Variants in TOX observed in about 807,000 individuals in gnomAD.
TOX encodes thymocyte selection associated high mobility group box.
Under a neutral mutation model 53.7 loss-of-function variants are expected in TOX, and 11 were observed. The observed-to-expected ratio is 0.20, with a 90% CI of 0.13 to 0.34. TOX has a LOEUF of 0.34. Among genes scored for constraint, TOX ranks in the 10% least tolerant of loss-of-function variants. The pLI is 1.00. For synonymous variants in TOX, 225 were observed against 245.3 expected (o/e 0.92, Z 0.77); for missense variants, 570 against 664.6 (o/e 0.86, Z 1.56).
At chr8:59,011,458 T>G (rs1249165776) in intron 1 of TOX, among the ~76,000 whole-genome samples, 1 of 152,214 alleles carries the variant, frequency 6.6e-6, no homozygotes, top group Non-Finnish European at 1.5e-5. Flanking sequence ...CTATGTTTGT[T>G]TTTTGAGAGA....
chr8:58,855,636 C>T (rs1042147328), intron 3 of TOX, among the ~76,000 whole-genome samples: 12 of 152,168 alleles, frequency 7.9e-5, no homozygotes, highest in Admixed American at 5.2e-4. Flanking sequence ...TTTACATCTA[C>T]CCCAAAGAGT....
At chr8:58,996,804 T>C (rs369662156) in intron 1 of TOX, among the ~76,000 whole-genome samples, 2 of 152,364 alleles carry the variant, frequency 1.3e-5, no homozygotes, top group East Asian at 1.9e-4. Context: ...ACCAGTTTCC[T>C]TTGAAAAGAC....
At chr8:59,006,681 C>G (rs2129418479) in intron 1 of TOX, among the ~76,000 whole-genome samples, 1 of 152,304 alleles carries the variant, frequency 6.6e-6, no homozygotes, top group East Asian at 1.9e-4. Flanking sequence ...GCAATACCAG[C>G]AACCTTCTTT....
intron 3 of TOX, among the ~76,000 whole-genome samples, chr8:58,871,264 G>A (rs908036073): frequency 6.6e-6 from 1 of 151,938 alleles, no homozygotes; most frequent in Non-Finnish European, 1.5e-5. Context: ...AGGGAAGATG[G>A]TTGAATATAG....
At chr8:58,880,128 A>G (rs551129404) in intron 3 of TOX, among the ~76,000 whole-genome samples, 542 of 152,328 alleles carry the variant, frequency 3.6e-3, no homozygotes, top group Non-Finnish European at 6.9e-3. Context: ...TTCCTGGGAC[A>G]AGGGACAACT....
chr8:59,078,341 AG>A (rs1804330997), intron 1 of TOX, among the ~76,000 whole-genome samples: 1 of 152,158 alleles, frequency 6.6e-6, no homozygotes, highest in Non-Finnish European at 1.5e-5. Flanking sequence ...CCAGTGCTGG[AG>A]GTGGGGCCTG....
rs77015172 is a variant in TOX at position 58,854,752 on chromosome 8, A to G, written c.412-2947T>C. 7.2e-5 allele frequency among the ~76,000 whole-genome samples: 11 copies of G among 152,292 alleles called. No homozygotes were observed. The East Asian group carries it at 2.1e-3, about 29-fold the overall frequency. On this transcript the variant is annotated intron_variant, in intron 3 of 8. Coordinates refer to ENST00000361421, the MANE Select transcript of TOX (RefSeq NM_014729.3). ...AATGAGGGAGCATATCTGTGTCTTC[A>G]GTCCTCAGATACACTTACAAACAGT...
chr8:58,812,315 A>G (rs1405889057), intron 7 of TOX, among the ~76,000 whole-genome samples: 1 of 152,048 alleles, frequency 6.6e-6, no homozygotes, highest in Non-Finnish European at 1.5e-5. Context: ...TCCCACTCCA[A>G]TTCCCTGCCC....
chr8:58,923,903 C>T (rs567969443), intron 3 of TOX, among the ~76,000 whole-genome samples: 9 of 152,278 alleles, frequency 5.9e-5, no homozygotes, highest in Middle Eastern at 6.8e-3. Flanking sequence ...AGACACCCAA[C>T]GGCCTAGCTA....
At chr8:58,936,372 T>C (rs575933708) in intron 3 of TOX, among the ~76,000 whole-genome samples, 218 of 152,330 alleles carry the variant, frequency 1.4e-3, no homozygotes, top group African/African-American at 5.0e-3. Context: ...ACTGAGTTCA[T>C]GGCCAGTACA....
intron 1 of TOX, among the ~76,000 whole-genome samples, chr8:58,986,135 G>A (rs955296700): frequency 6.7e-6 from 1 of 150,086 alleles, no homozygotes; most frequent in Non-Finnish European, 1.5e-5. Flanking sequence ...ACTTAAGGTC[G>A]TCACTTAAAT....
At position 58,989,055 on chromosome 8, in the gene TOX, C is replaced by CT. The variant is rs550894869; in HGVS notation, c.103-29048dup. ...TTAGGCTGGGTGCGGTGGCTCATGC[C>CT]TGTAATCCCAGCACTGTGGGGGGCC... On this transcript the variant is annotated intron_variant, in intron 1 of 8. Coordinates refer to ENST00000361421, the MANE Select transcript of TOX (RefSeq NM_014729.3). 2.6e-5 allele frequency among the ~76,000 whole-genome samples: 4 copies of CT among 152,330 alleles called. No individual in the cohort carries two copies. The South Asian group carries it at 8.3e-4, about 32-fold the overall frequency.
chr8:58,933,883 T>C (rs1812301435), intron 3 of TOX, among the ~76,000 whole-genome samples: 1 of 152,146 alleles, frequency 6.6e-6, no homozygotes, highest in Non-Finnish European at 1.5e-5. Context: ...ACAAGCTCAG[T>C]GTGGATCCAG....
At chr8:59,052,042 A>T (rs1803799649) in intron 1 of TOX, among the ~76,000 whole-genome samples, 1 of 152,214 alleles carries the variant, frequency 6.6e-6, no homozygotes, top group Non-Finnish European at 1.5e-5. Context: ...ATAAAGCTAA[A>T]GGATATGATC....
At chr8:59,084,018 C>T (rs1197797475) in intron 1 of TOX, among the ~76,000 whole-genome samples, 2 of 152,074 alleles carry the variant, frequency 1.3e-5, no homozygotes, top group South Asian at 4.1e-4. Context: ...TATCACAATA[C>T]ATATAATCCT....
rs137984936 is a variant in TOX, at chr8:58,877,101, T to C, written c.412-25296A>G. Among the ~76,000 whole-genome samples the C allele has an allele frequency of 2.1e-3, 322 of 152,338 alleles. 2 individuals are homozygous for C. Among genetic ancestry groups the C allele is most frequent in the African/African-American group, 7.4e-3 (308 of 41,582 alleles). Reference sequence around the variant, plus strand: ...AGGATTGCATTTACAGAATGACTTATGTCCTAGTTCCTGAGATCTCAGTTT... The same window carrying C: ...AGGATTGCATTTACAGAATGACTTACGTCCTAGTTCCTGAGATCTCAGTTT... On this transcript the variant is annotated intron_variant, in intron 3 of 8. Transcript: ENST00000361421.
At chr8:58,987,731 T>C (rs906421951) in intron 1 of TOX, among the ~76,000 whole-genome samples, 1 of 152,168 alleles carries the variant, frequency 6.6e-6, no homozygotes, top group African/African-American at 2.4e-5. Flanking sequence ...CACCTAACTG[T>C]GGGATACTTA....
chr8:58,861,416 T>C (rs1445568863), intron 3 of TOX, among the ~76,000 whole-genome samples: 1 of 152,230 alleles, frequency 6.6e-6, no homozygotes, highest in Non-Finnish European at 1.5e-5. Context: ...TGTATTTGTA[T>C]AGATCATGAC....
At chr8:58,915,127 G>A (rs896795744) in intron 3 of TOX, among the ~76,000 whole-genome samples, 2 of 151,302 alleles carry the variant, frequency 1.3e-5, no homozygotes, top group African/African-American at 4.9e-5. Flanking sequence ...GCTGGGGGAG[G>A]GGCGCCCACC....
Sources: allele counts gnomAD v4.1 joint callset (sites outside exome capture counted in the v4.1 genomes callset), GRCh38; gene constraint gnomAD v4.1.1; transcripts MANE v1.5; gene names NCBI Gene and HGNC (gene_info 2026-07-23, HGNC 2026-07-21).